The following HUNK variants were observed in gnomAD, a reference collection of about 807,000 sequenced individuals.
HUNK encodes hormonally up-regulated neu tumor-associated kinase.
A neutral mutation model predicts 61.0 loss-of-function variants in HUNK; 21 were observed. That is an observed-to-expected ratio of 0.34 (90% CI 0.24 to 0.50). The LOEUF (loss-of-function observed/expected upper bound fraction) is 0.50. Among genes scored for constraint, HUNK ranks in the 20% least tolerant of loss-of-function variants. The probability of loss-of-function intolerance (pLI) is 0.98; values close to 1 mark genes in which losing one functional copy is unlikely to be tolerated. For synonymous variants in HUNK, 371 were observed against 386.1 expected (o/e 0.96, Z 0.46); for missense variants, 772 against 945.7 (o/e 0.82, Z 2.41).
intron 1 of HUNK, among the ~76,000 whole-genome samples, chr21:31,890,512 G>A (rs1018359388): frequency 1.3e-5 from 2 of 152,206 alleles, no homozygotes; most frequent in African/African-American, 4.8e-5. Flanking sequence ...TTACAGGCAT[G>A]AGCCACCGCG....
chr21:31,902,823 C>T lies in HUNK; in HGVS notation c.262-21645C>T, dbSNP rs112417197. 8.1e-3 allele frequency among the ~76,000 whole-genome samples: 1,227 copies of T among 152,256 alleles called. 14 individuals are homozygous for T. Among genetic ancestry groups the T allele is most frequent in the African/African-American group, 0.028 (1,172 of 41,534 alleles). On this transcript the variant is annotated intron_variant, in intron 1 of 10. Transcript: ENST00000270112. ...AAGCTTAAGTTAATCAGACAGTTGC[C>T]TACATTTATTTATTGATTTTCTAGA...
intron 1 of HUNK, among the ~76,000 whole-genome samples, chr21:31,913,781 T>G (rs2052562531): frequency 6.6e-6 from 1 of 151,494 alleles, no homozygotes; most frequent in African/African-American, 2.4e-5. Flanking sequence ...TCAGGGAGGC[T>G]ACTGGGGGAG....
chr21:31,988,132 C>T (rs1044850776), intron 8 of HUNK, among the ~76,000 whole-genome samples: 2 of 152,136 alleles, frequency 1.3e-5, no homozygotes, highest in Admixed American at 6.5e-5. Flanking sequence ...CCTCTTTTTC[C>T]TGTCAAAGGC....
At position 31,917,664 on chromosome 21, in the gene HUNK, G is replaced by A. The variant is rs1294328906; in HGVS notation, c.262-6804G>A. 2.1e-5 allele frequency among the ~76,000 whole-genome samples: 3 copies of A among 143,114 alleles called. No homozygotes were observed. The East Asian group carries it at 6.3e-4, about 30-fold the overall frequency. The allele number at this position is 143,114 out of a possible 152,430, so 93.9% of individuals were successfully genotyped here. ...GTGCTCATGATGACATCCAGGCTTA[G>A]ATACCCTCCTGAAACTCCCATTCCC... is the stretch of plus-strand genomic sequence containing the variant. On this transcript the variant is annotated intron_variant, in intron 1 of 10. Transcript: ENST00000270112.
At chr21:31,971,986 G>T (rs747005326) in intron 6 of HUNK, among the ~76,000 whole-genome samples, 1 of 151,982 alleles carries the variant, frequency 6.6e-6, no homozygotes, top group African/African-American at 2.4e-5. Context: ...TGCTACCATC[G>T]CCAGCTAAGT....
rs570644255 is a variant in HUNK, at chr21:31,964,998, C to T, written c.875-3252C>T. On this transcript the variant is annotated intron_variant, in intron 5 of 10. Transcript: ENST00000270112. ...GAAAACATTAACTCAACAGCCCACCCGCTCCAATTCATTAAGCCCTCATCT... is the reference window on the plus strand; with the variant it reads ...GAAAACATTAACTCAACAGCCCACCTGCTCCAATTCATTAAGCCCTCATCT... Among the ~76,000 whole-genome samples the T allele has an allele frequency of 3.4e-4, 51 of 152,230 alleles. 1 individual carries two copies. The highest frequency in any genetic ancestry group is 1.0e-3 in the African/African-American group (42 of 41,554).
At chr21:31,937,638 A>C (rs1204452073) in intron 2 of HUNK, among the ~76,000 whole-genome samples, 2 of 152,274 alleles carry the variant, frequency 1.3e-5, no homozygotes, top group Non-Finnish European at 2.9e-5. Context: ...AAATTGTTTC[A>C]TGAAATGTGA....
At chr21:31,923,916 G>T (rs1420624411) in intron 1 of HUNK, among the ~76,000 whole-genome samples, 1 of 152,192 alleles carries the variant, frequency 6.6e-6, no homozygotes, top group Non-Finnish European at 1.5e-5. Context: ...AGGCTTGAGG[G>T]TGTGCACAGG....
At chr21:31,975,927 T>C (rs570222638) in intron 7 of HUNK, among the ~76,000 whole-genome samples, 6 of 152,248 alleles carry the variant, frequency 3.9e-5, no homozygotes, top group Admixed American at 6.5e-5. Flanking sequence ...CCACGGGAGG[T>C]TGGTTAAACA....
chr21:31,939,267 A>G (rs911376967), intron 2 of HUNK, among the ~76,000 whole-genome samples: 17 of 152,078 alleles, frequency 1.1e-4, no homozygotes, highest in African/African-American at 3.9e-4. Context: ...ACATCTTTGG[A>G]GTCCATTATT....
Position 31,933,324 on chromosome 21 carries a change from T to C in HUNK, c.555-6841T>C, listed in dbSNP as rs1342409870. ...CAACTTCCCATCTATCCCAGGGCCA[T>C]TCTCTTCTCCTTCACATTTGTTCTC... On this transcript the variant is annotated intron_variant, in intron 2 of 10. Transcript: ENST00000270112. Among the ~76,000 whole-genome samples, 3 of 152,176 alleles carry C rather than the reference T, an allele frequency of 2.0e-5. No individual in the cohort carries two copies. In the East Asian group the frequency reaches 5.8e-4, roughly 29 times the overall value.
At chr21:31,958,004 AT>A (rs1203875264) in intron 4 of HUNK, among the ~76,000 whole-genome samples, 2 of 152,040 alleles carry the variant, frequency 1.3e-5, no homozygotes, top group Non-Finnish European at 2.9e-5. Context: ...CTTTTCCTGT[AT>A]TGTTTGGTCA....
intron 3 of HUNK, among the ~76,000 whole-genome samples, chr21:31,945,357 C>T (rs921598574): frequency 3.3e-5 from 5 of 152,132 alleles, no homozygotes; most frequent in African/African-American, 1.2e-4. Flanking sequence ...TCTTAATCAT[C>T]CAGGAACAAA....
intron 6 of HUNK, 51 bp downstream of exon 6, chr21:31,968,436 A>G (rs1000553344): frequency 1.9e-6 from 3 of 1,607,832 alleles, no homozygotes; most frequent in Admixed American, 1.7e-5. Flanking sequence ...GGCCTGTCCT[A>G]CTAGCCCTGA....
chr21:31,881,626 A>G (rs748986132), intron 1 of HUNK, among the ~76,000 whole-genome samples: 7 of 152,134 alleles, frequency 4.6e-5, no homozygotes, highest in Admixed American at 1.3e-4. Context: ...CTCCATAACA[A>G]CAGCAGCAGC....
At chr21:31,908,743 G>GCTT in intron 1 of HUNK, among the ~76,000 whole-genome samples, 1 of 152,206 alleles carries the variant, frequency 6.6e-6, no homozygotes, top group South Asian at 2.1e-4. Context: ...GTCATTTGAG[G>GCTT]CTTCCTCTCT....
At position 31,873,704 on chromosome 21, in the gene HUNK, G is replaced by T. The variant is rs945314758; in HGVS notation, c.30G>T (p.Leu10=). 3.7e-4 allele frequency: 424 copies of T among 1,148,540 alleles called. No individual in the cohort carries two copies. The highest frequency in any genetic ancestry group is 4.4e-4 in the Non-Finnish European group (411 of 936,524). The allele number at this position is 1,148,540 out of a possible 1,614,324, so 71.1% of individuals were successfully genotyped here. The part of the protein sequence containing the change: MPAAAGDGL[L]GEPAAPGGGG... ...CGGCGGCGGCGGGGGACGGGCTCCT[G>T]GGGGAGCCGGCGGCGCCTGGGGGCG... Residue 10 remains leucine (L), a synonymous_variant, in exon 1 of 11, where the codon CTG becomes CTT. Coordinates refer to ENST00000270112, the MANE Select transcript of HUNK (RefSeq NM_014586.2). This position sits in a 1 kb window ranked among gnomAD's most constrained non-coding sequence, Gnocchi z 6.1.
At chr21:31,960,708 C>T (rs1462031148) in intron 5 of HUNK, among the ~76,000 whole-genome samples, 1 of 152,074 alleles carries the variant, frequency 6.6e-6, no homozygotes, top group Non-Finnish European at 1.5e-5. Flanking sequence ...CATCAGATCT[C>T]GTGAGACTTA....
At chr21:31,974,790 C>G in intron 7 of HUNK, 73 bp downstream of exon 7, 1 of 1,363,136 alleles carries the variant, frequency 7.3e-7, no homozygotes, top group Non-Finnish European at 9.9e-7. Context: ...AAGTGCTTCT[C>G]AGTTGCTGAC....
Sources: allele counts gnomAD v4.1 joint callset (sites outside exome capture counted in the v4.1 genomes callset), GRCh38; gene constraint gnomAD v4.1.1; non-coding constraint Gnocchi (gnomAD v3.1); transcripts MANE v1.5; gene names NCBI Gene and HGNC (gene_info 2026-07-23, HGNC 2026-07-21).